CDH1: variants seen among roughly 807,000 people sequenced by gnomAD.
CDH1 encodes the protein cadherin 1.
A neutral mutation model predicts 84.5 loss-of-function variants in CDH1; 35 were observed. The ratio of observed to expected loss-of-function variants is 0.41; its 90% confidence interval spans 0.32 to 0.55. CDH1 has a LOEUF of 0.55. Ranked by LOEUF, CDH1 falls within the 20% of genes least tolerant of loss-of-function variation. CDH1 has a pLI of 0.19. For missense variants in CDH1, 994 were observed against 1,126.6 expected, an observed-to-expected ratio of 0.88 and a Z score of 1.68; for synonymous variants, 417 against 439.0, an observed-to-expected ratio of 0.95 and a Z score of 0.63.
chr16:68,833,180 C>A, intron 15 of CDH1, 110 bp from the exon 16 acceptor site: 2 of 890,442 alleles, frequency 2.2e-6, no homozygotes, highest in Non-Finnish European at 3.8e-6. Context: ...CCGTGGTGTG[C>A]CACAAGTCTG....
intron 3 of CDH1, among the ~76,000 whole-genome samples, chr16:68,807,130 C>G (rs934250659): frequency 1.3e-5 from 2 of 152,188 alleles, no homozygotes; most frequent in African/African-American, 4.8e-5. Flanking sequence ...ATTTTCAACT[C>G]TCTTATTTCC....
At chr16:68,791,621 C>G (rs1960211214) in intron 2 of CDH1, among the ~76,000 whole-genome samples, 1 of 152,092 alleles carries the variant, frequency 6.6e-6, no homozygotes, top group Non-Finnish European at 1.5e-5. Context: ...GGGGTCTTGC[C>G]ATGTTGCTCA....
intron 2 of CDH1, among the ~76,000 whole-genome samples, chr16:68,754,565 AGCCTG>A (rs1334626902): frequency 6.6e-6 from 1 of 152,064 alleles, no homozygotes; most frequent in African/African-American, 2.4e-5. Context: ...GAAGTGGGAG[AGCCTG>A]GCCGTATGTC....
At chr16:68,800,747 G>A (rs138358778) in intron 2 of CDH1, among the ~76,000 whole-genome samples, 1 of 152,156 alleles carries the variant, frequency 6.6e-6, no homozygotes, top group Non-Finnish European at 1.5e-5. Flanking sequence ...GCTCAGATGG[G>A]CCTACCTCAG....
intron 2 of CDH1, chr16:68,765,193 A>G (rs1236966802): frequency 6.6e-6 from 1 of 151,898 alleles, no homozygotes; most frequent in African/African-American, 2.4e-5. Flanking sequence ...TTGCTTTTTT[A>G]TTTTTATTTT....
In CDH1 at chr16:68,749,262, T is replaced by C. The variant is rs188425571; in HGVS notation, c.163+10851T>C. Among the ~76,000 whole-genome samples, 6 of 152,302 alleles carry C rather than the reference T, an allele frequency of 3.9e-5. No individual in the cohort carries two copies. The East Asian group carries it at 9.6e-4, about 24-fold the overall frequency. ...GGAAACAGAGGAGAAAGAGGAACAA[T>C]TCAGGGGAGGAAAATTAGTTTTTGG... On this transcript the variant is annotated intron_variant, in intron 2 of 15. Transcript: ENST00000261769.
intron 2 of CDH1, among the ~76,000 whole-genome samples, chr16:68,743,991 G>A (rs1962659171): frequency 6.6e-6 from 1 of 152,186 alleles, no homozygotes; most frequent in Admixed American, 6.5e-5. Flanking sequence ...ACGGCAGATT[G>A]GACGGAACAT....
At chr16:68,772,662 C>T (rs559108894) in intron 2 of CDH1, among the ~76,000 whole-genome samples, 4 of 152,210 alleles carry the variant, frequency 2.6e-5, no homozygotes, top group East Asian at 1.9e-4. Context: ...AGGCTGGGCA[C>T]GGTGGCTCAA....
chr16:68,781,946 G>A (rs1195920377), intron 2 of CDH1, among the ~76,000 whole-genome samples: 1 of 152,110 alleles, frequency 6.6e-6, no homozygotes, highest in African/African-American at 2.4e-5. Flanking sequence ...CACTGCTAAG[G>A]CCTCAAGGAG....
chr16:68,804,570 T>C (rs116227606), intron 3 of CDH1, among the ~76,000 whole-genome samples: 147 of 152,180 alleles, frequency 9.7e-4, no homozygotes, highest in African/African-American at 3.5e-3. Flanking sequence ...ATTCCAGAAT[T>C]ACAAAATTGA....
chr16:68,831,028 C>T (rs140766423), intron 15 of CDH1, among the ~76,000 whole-genome samples: 115 of 146,840 alleles, frequency 7.8e-4, no homozygotes, highest in Middle Eastern at 8.0e-3. Context: ...CAGTGGCCCT[C>T]GGTGAGTCTT....
At chr16:68,815,423 A>G (rs776873824) in intron 9 of CDH1, 92 bp from the exon 10 acceptor site, 64 of 1,536,330 alleles carry the variant, frequency 4.2e-5, no homozygotes, top group East Asian at 7.0e-5. Flanking sequence ...AACCTAATAT[A>G]TTACCAAAAG....
At chr16:68,750,150 C>CTTTTTTTTTTTTTTTTTTTTTTTTTTCT (rs34551002) in intron 2 of CDH1, among the ~76,000 whole-genome samples, 1 of 79,096 alleles carries the variant, frequency 1.3e-5, no homozygotes, top group Non-Finnish European at 2.6e-5. Flanking sequence ...TAGAATTCAG[C>CTTTTTTTTTTTTTTTTTTTTTTTTTTCT]TTTTTTTTTT....
At chr16:68,829,938 T>A in intron 15 of CDH1, 141 bp downstream of exon 15, 2 of 716,614 alleles carry the variant, frequency 2.8e-6, no homozygotes, top group Admixed American at 3.1e-5. Context: ...CCTGTTTTCC[T>A]TTTTCTTTTT....
chr16:68,743,968 A>G (rs943424738), intron 2 of CDH1, among the ~76,000 whole-genome samples: 1 of 152,268 alleles, frequency 6.6e-6, no homozygotes, highest in Non-Finnish European at 1.5e-5. Flanking sequence ...GCACCAGGCT[A>G]GACCCTGAGG....
intron 2 of CDH1, among the ~76,000 whole-genome samples, chr16:68,768,855 C>T (rs1464637926): frequency 1.3e-5 from 2 of 152,160 alleles, no homozygotes; most frequent in East Asian, 1.9e-4. Context: ...TAAAGTAAAT[C>T]GTTATCCAAC....
In CDH1 at chr16:68,737,351, C is replaced by T. The variant is rs914143790; in HGVS notation, c.-65C>T. ...GCGGAAGTCAGTTCAGACTCCAGCC[C>T]GCTCCAGCCCGGCCCGACCCGACCG... On this transcript the variant is annotated 5_prime_UTR_variant, in exon 1 of 16. Coordinates refer to ENST00000261769, the MANE Select transcript of CDH1 (RefSeq NM_004360.5). The T allele has an allele frequency of 1.2e-5, 17 of 1,381,098 alleles. No individual in the cohort carries two copies. In the East Asian group the frequency reaches 1.3e-4, roughly 10 times the overall value. The allele number at this position is 1,381,098 out of a possible 1,614,324, so 85.6% of individuals were successfully genotyped here. A position where few individuals can be genotyped will look rare whatever the true frequency, so the allele number is the denominator to read the frequency against.
rs766636655 is a variant in CDH1, at chr16:68,828,245, G to A, written c.2236G>A (p.Asp746Asn). 1.2e-6 allele frequency: 2 copies of A among 1,614,094 alleles called. No homozygotes were observed. The highest frequency in any genetic ancestry group is 2.2e-5 in the South Asian group (2 of 91,062). ...CAAAGAGCCCTTACTGCCCCCAGAG[G>A]ATGACACCCGGGACAACGTTTATTA... ...VVKEPLLPPE[D>N]DTRDNVYYYD... Residue 746 changes from aspartate (D) to asparagine (N), a missense_variant, in exon 14 of 16, where the codon GAT becomes AAT. Physicochemically the swap from Asp to Asn is conservative, Grantham distance 23 (BLOSUM62 1). Transcript: ENST00000261769.
At chr16:68,750,708 GTT>G (rs760443205) in intron 2 of CDH1, among the ~76,000 whole-genome samples, 45 of 136,904 alleles carry the variant, frequency 3.3e-4, no homozygotes, top group Non-Finnish European at 2.7e-4. Context: ...TTTCTCCTTG[GTT>G]TTTTTTTTTT....
Sources: allele counts gnomAD v4.1 joint callset (sites outside exome capture counted in the v4.1 genomes callset), GRCh38; gene constraint gnomAD v4.1.1; transcripts MANE v1.5; gene names NCBI Gene and HGNC (gene_info 2026-07-23, HGNC 2026-07-21).